Variants in KIF13B observed in about 807,000 individuals in gnomAD.
KIF13B encodes kinesin-like protein KIF13B.
A neutral mutation model predicts 222.0 loss-of-function variants in KIF13B; 127 were observed. The observed-to-expected ratio is 0.57, with a 90% confidence interval of 0.50 to 0.66. KIF13B has a LOEUF of 0.66. Among genes scored for constraint, KIF13B ranks in the 30% least tolerant of loss-of-function variants. The pLI is 0.00. For synonymous variants in KIF13B, 976 were observed against 919.0 expected, an observed-to-expected ratio of 1.06 and a Z score of -1.12; for missense variants, 2,173 against 2,379.0, an observed-to-expected ratio of 0.91 and a Z score of 1.80.
intron 2 of KIF13B, among the ~76,000 whole-genome samples, chr8:29,199,737 C>T (rs1032133446): frequency 6.6e-6 from 1 of 152,180 alleles, no homozygotes; most frequent in Non-Finnish European, 1.5e-5. Flanking sequence ...GATCAAAACA[C>T]TCTCGACTTA....
chr8:29,236,697 T>C (rs1054909958), intron 2 of KIF13B, among the ~76,000 whole-genome samples: 1 of 152,110 alleles, frequency 6.6e-6, no homozygotes, highest in African/African-American at 2.4e-5. Context: ...AAAGCAAAGG[T>C]GAAATTTACC....
At chr8:29,161,041 TTTG>T (rs1811754456) in intron 12 of KIF13B, among the ~76,000 whole-genome samples, 174 bp from the exon 13 acceptor site, 1 of 152,258 alleles carries the variant, frequency 6.6e-6, no homozygotes, top group Non-Finnish European at 1.5e-5. Flanking sequence ...ATATGATTTT[TTTG>T]TTAATTCTAA....
Position 29,182,993 on chromosome 8 carries a change from C to T in KIF13B, c.498-987G>A, listed in dbSNP as rs141857236. The stretch of plus-strand genomic sequence containing the variant: ...ACACACTGTACTCCATAAACATATA[C>T]AATTCTCATTTGTCAATTAAAAATC... On this transcript the variant is annotated intron_variant, in intron 6 of 39. Coordinates refer to ENST00000524189, the MANE Select transcript of KIF13B (RefSeq NM_015254.4). 1.4e-3 allele frequency among the ~76,000 whole-genome samples: 219 copies of T among 152,080 alleles called. 1 individual carries two copies. The highest frequency in any genetic ancestry group is 5.1e-3 in the African/African-American group (210 of 41,506).
intron 2 of KIF13B, among the ~76,000 whole-genome samples, chr8:29,210,618 G>A (rs778233275): frequency 3.9e-5 from 6 of 152,106 alleles, no homozygotes; most frequent in Middle Eastern, 3.2e-3. Flanking sequence ...GGAAATATTC[G>A]GTTGTAAGAT....
intron 25 of KIF13B, 127 bp from the exon 26 acceptor site, chr8:29,126,638 C>T (rs780579675): frequency 7.2e-4 from 481 of 666,816 alleles, no homozygotes; most frequent in Non-Finnish European, 1.2e-3. Context: ...TATTTCATCT[C>T]CCACCTACCC....
intron 37 of KIF13B, among the ~76,000 whole-genome samples, chr8:29,091,803 A>C (rs1400278763): frequency 6.6e-6 from 1 of 152,232 alleles, no homozygotes; most frequent in Non-Finnish European, 1.5e-5. Flanking sequence ...GTGTCTAAAT[A>C]CAATTTAAAC....
intron 2 of KIF13B, among the ~76,000 whole-genome samples, chr8:29,197,405 T>C (rs1813490064): frequency 6.6e-6 from 1 of 150,660 alleles, no homozygotes; most frequent in Non-Finnish European, 1.5e-5. Context: ...GTTTCAAACT[T>C]AGAGAAAAGT....
chr8:29,176,297 A>T, intron 9 of KIF13B, 118 bp from the exon 10 acceptor site: 1 of 641,834 alleles, frequency 1.6e-6, no homozygotes, highest in South Asian at 1.9e-5. Context: ...GCACCCTGTC[A>T]GCATTTTGCC....
intron 5 of KIF13B, among the ~76,000 whole-genome samples, chr8:29,186,803 C>CAAAA (rs56325995): frequency 6.9e-6 from 1 of 144,872 alleles, no homozygotes; most frequent in Non-Finnish European, 1.5e-5. Flanking sequence ...TACTAAAATA[C>CAAAA]AAAAAAAAAA....
chr8:29,070,568 GCT>G lies in KIF13B; in HGVS notation c.5415_5416del (p.Ala1806CysfsTer13), dbSNP rs1340000360. On this transcript the variant is annotated frameshift_variant, in exon 40 of 40. Coordinates refer to ENST00000524189, the MANE Select transcript of KIF13B (RefSeq NM_015254.4). LOFTEE classifies it high-confidence loss of function. This position sits in a 1 kb window ranked among gnomAD's most constrained non-coding sequence, Gnocchi z 4.1. Reference sequence around the variant, plus strand: ...GCTCCTGTCGGCCTTGGCCAGGGCAGCTGTCAGCGAGGCCAGGTTGGTGGCGG... The same window carrying G: ...GCTCCTGTCGGCCTTGGCCAGGGCAGGTCAGCGAGGCCAGGTTGGTGGCGG... The G allele has an allele frequency of 6.2e-7, 1 of 1,606,334 alleles. No homozygotes were observed. The highest frequency in any genetic ancestry group is 8.5e-7 in the Non-Finnish European group (1 of 1,176,918).
In KIF13B at chr8:29,188,623, T is replaced by G. The variant is rs375778977; in HGVS notation, c.224-16A>C. 3.8e-5 allele frequency: 59 copies of G among 1,536,684 alleles called. No individual in the cohort carries two copies. The African/African-American group carries it at 6.8e-4, about 18-fold the overall frequency. On this transcript the variant is annotated splice_polypyrimidine_tract_variant and intron_variant, in intron 4 of 39. Coordinates refer to ENST00000524189, the MANE Select transcript of KIF13B (RefSeq NM_015254.4). The stretch of plus-strand genomic sequence containing the variant: ...ATATCTTGACCTGAGAGAGAGAGAA[T>G]AAGAGAAAAGATATTTTAAGCCAAA...
chr8:29,164,981 G>A (rs1180704198), intron 12 of KIF13B, among the ~76,000 whole-genome samples: 1 of 152,070 alleles, frequency 6.6e-6, no homozygotes, highest in Non-Finnish European at 1.5e-5. Flanking sequence ...CCAAGTAGCT[G>A]AGACTACAGG....
chr8:29,107,804 C>T (rs1182193613), intron 35 of KIF13B, among the ~76,000 whole-genome samples: 2 of 152,068 alleles, frequency 1.3e-5, no homozygotes, highest in East Asian at 3.9e-4. Flanking sequence ...TCGTGATCCG[C>T]CCTCCTTGGC....
intron 2 of KIF13B, among the ~76,000 whole-genome samples, chr8:29,244,769 A>G (rs1424195867): frequency 6.6e-6 from 1 of 152,120 alleles, no homozygotes; most frequent in Non-Finnish European, 1.5e-5. Context: ...ACTACCATAC[A>G]TATCTAGAAA....
chr8:29,083,946 G>A (rs751881915), intron 37 of KIF13B, among the ~76,000 whole-genome samples: 30 of 152,172 alleles, frequency 2.0e-4, no homozygotes, highest in Admixed American at 3.9e-4. Context: ...ACGGAGTTGC[G>A]CTCTGTCACC....
chr8:29,108,289 C>A, intron 34 of KIF13B, 97 bp from the exon 35 acceptor site: 1 of 1,152,134 alleles, frequency 8.7e-7, no homozygotes, highest in South Asian at 1.3e-5. Context: ...AACCGAACGT[C>A]AAAGTTGGGT....
Position 29,071,116 on chromosome 8 carries a change from G to A in KIF13B, c.5219-350C>T, listed in dbSNP as rs566977374. On this transcript the variant is annotated intron_variant, in intron 39 of 39. Coordinates refer to ENST00000524189, the MANE Select transcript of KIF13B (RefSeq NM_015254.4). This position sits in a 1 kb window ranked among gnomAD's most constrained non-coding sequence, Gnocchi z 4.9. The stretch of plus-strand genomic sequence containing the variant: ...GGCACAACCGGCCCGCCTCGTGCGG[G>A]AACAGACCCTTCTCCATCTGGACCC... Among the ~76,000 whole-genome samples the A allele has an allele frequency of 4.6e-5, 7 of 152,342 alleles. No homozygotes were observed. In the East Asian group the frequency reaches 1.2e-3, roughly 25 times the overall value.
intron 35 of KIF13B, among the ~76,000 whole-genome samples, chr8:29,103,289 A>AT (rs1808887253): frequency 6.6e-6 from 1 of 151,834 alleles, no homozygotes; most frequent in South Asian, 2.1e-4. Flanking sequence ...AAAAAAAATG[A>AT]TTTTGTCTTG....
chr8:29,118,821 A>G (rs776400384), intron 30 of KIF13B, 47 bp downstream of exon 30: 1 of 1,605,718 alleles, frequency 6.2e-7, no homozygotes, highest in Non-Finnish European at 8.5e-7. Flanking sequence ...AGGAGAGGTT[A>G]AGGAAACCAC....
Sources: allele counts gnomAD v4.1 joint callset (sites outside exome capture counted in the v4.1 genomes callset), GRCh38; gene constraint gnomAD v4.1.1; non-coding constraint Gnocchi (gnomAD v3.1); transcripts MANE v1.5; gene names NCBI Gene and HGNC (gene_info 2026-07-23, HGNC 2026-07-21).